The following HSPA12A variants were observed in gnomAD, a reference collection of about 807,000 sequenced individuals.
HSPA12A encodes heat shock 70 kDa protein 12A.
Under a neutral mutation model 69.2 loss-of-function variants are expected in HSPA12A, and 28 were observed. That is an observed-to-expected ratio of 0.40 (90% CI 0.30 to 0.55). The LOEUF (loss-of-function observed/expected upper bound fraction) is 0.55. Among genes scored for constraint, HSPA12A ranks in the 20% least tolerant of loss-of-function variants. The pLI, the probability that HSPA12A is intolerant of heterozygous loss-of-function variation, is 0.38. For missense variants in HSPA12A, 686 were observed against 900.7 expected, an observed-to-expected ratio of 0.76 and a Z score of 3.05; for synonymous variants, 345 against 370.5, an observed-to-expected ratio of 0.93 and a Z score of 0.79.
At chr10:116,717,720 C>T (rs1850651891) in intron 1 of HSPA12A, among the ~76,000 whole-genome samples, 1 of 152,112 alleles carries the variant, frequency 6.6e-6, no homozygotes, top group East Asian at 1.9e-4. Flanking sequence ...AAAAAACGAC[C>T]GTGTGCTTAC....
chr10:116,718,494 G>A (rs1850677248), intron 1 of HSPA12A, among the ~76,000 whole-genome samples: 1 of 152,170 alleles, frequency 6.6e-6, no homozygotes, highest in Non-Finnish European at 1.5e-5. Context: ...GTGCCCAGGA[G>A]GGCAGAGGCT....
At chr10:116,774,970 C>A (rs879961086) in intron 2 of HSPA12A, among the ~76,000 whole-genome samples, 1 of 148,998 alleles carries the variant, frequency 6.7e-6, no homozygotes, top group Non-Finnish European at 1.5e-5. Context: ...CTGCTACACA[C>A]CCACCGCCAC....
intron 9 of HSPA12A, 79 bp downstream of exon 9, chr10:116,681,073 A>G: frequency 2.1e-6 from 2 of 934,176 alleles, no homozygotes; most frequent in East Asian, 2.4e-5. Flanking sequence ...AATAAAACTG[A>G]GAGTTATCTG....
intron 2 of HSPA12A, among the ~76,000 whole-genome samples, chr10:116,785,881 C>T (rs939627501): frequency 1.3e-5 from 2 of 152,280 alleles, no homozygotes; most frequent in East Asian, 1.9e-4. Flanking sequence ...TATTTCCCCC[C>T]CTCCCCTCAC....
intron 1 of HSPA12A, among the ~76,000 whole-genome samples, chr10:116,707,801 C>A (rs782506066): frequency 3.3e-5 from 5 of 152,206 alleles, no homozygotes; most frequent in African/African-American, 1.2e-4. Flanking sequence ...TCAGAAAGAG[C>A]GTCCTTGCCT....
intron 2 of HSPA12A, among the ~76,000 whole-genome samples, chr10:116,773,276 A>G (rs1243363467): frequency 6.7e-6 from 1 of 150,272 alleles, no homozygotes; most frequent in Non-Finnish European, 1.5e-5. Context: ...GCTAATGAGC[A>G]AAGGCTTCAG....
chr10:116,849,338 T>C (rs1277289729), intron 1 of HSPA12A, among the ~76,000 whole-genome samples: 2 of 152,074 alleles, frequency 1.3e-5, no homozygotes, highest in African/African-American at 4.8e-5. Context: ...CTCGGGAGTC[T>C]AGGAGGAGCC....
intron 5 of HSPA12A, chr10:116,698,319 A>C: frequency 4.2e-6 from 1 of 236,486 alleles, no homozygotes. Context: ...TCTCTTAGGG[A>C]TTTCATTTCT....
intron 1 of HSPA12A, among the ~76,000 whole-genome samples, chr10:116,842,791 C>T (rs1250820346): frequency 2.0e-5 from 3 of 152,076 alleles, no homozygotes; most frequent in African/African-American, 7.2e-5. Flanking sequence ...TTAATAAAGT[C>T]GGGGTTTCAC....
In HSPA12A at chr10:116,742,410, G is replaced by C. The variant is rs782322043; in HGVS notation, c.40+20C>G. ...CCTGCCCCGCCAGCCGCGGCCGCAG[G>C]ACCCGCAGCCTGCGCTCACCTCGGG... On this transcript the variant is annotated intron_variant, in intron 1 of 11. Transcript: ENST00000369209. 1.2e-4 allele frequency: 175 copies of C among 1,433,868 alleles called. 3 individuals carry two copies. The South Asian group carries it at 2.1e-3, about 17-fold the overall frequency. 88.8% of individuals were successfully genotyped at this position (1,433,868 alleles called of 1,614,324 possible). A position where few individuals can be genotyped will look rare whatever the true frequency, so the allele number is the denominator to read the frequency against.
At chr10:116,707,737 C>A (rs1850302607) in intron 1 of HSPA12A, among the ~76,000 whole-genome samples, 1 of 152,122 alleles carries the variant, frequency 6.6e-6, no homozygotes, top group African/African-American at 2.4e-5. Flanking sequence ...GTGAGGGGTA[C>A]CTCCCCCAAG....
intron 1 of HSPA12A, among the ~76,000 whole-genome samples, chr10:116,727,307 T>C (rs1361758574): frequency 6.6e-6 from 1 of 152,150 alleles, no homozygotes; most frequent in Non-Finnish European, 1.5e-5. Context: ...TTCATGTCCA[T>C]GTTCACCTAG....
intron 6 of HSPA12A, 99 bp from the exon 7 acceptor site, chr10:116,684,061 C>T (rs960665267): frequency 7.4e-5 from 73 of 990,400 alleles, no homozygotes; most frequent in Non-Finnish European, 8.8e-5. Context: ...AGGGCGCACT[C>T]GTGCTCTGCA....
intron 1 of HSPA12A, among the ~76,000 whole-genome samples, chr10:116,734,448 TA>T (rs34843566): frequency 0.29 from 29,548 of 101,376 alleles, 3,593 homozygotes; most frequent in Middle Eastern, 0.43. Flanking sequence ...AGACTCTGTC[TA>T]AAAAAAAAAA....
intron 1 of HSPA12A, among the ~76,000 whole-genome samples, chr10:116,845,420 C>T (rs1024507330): frequency 2.0e-4 from 30 of 152,104 alleles, no homozygotes; most frequent in African/African-American, 5.1e-4. Context: ...TTTTCTCATT[C>T]CCAGACAAGT....
At chr10:116,741,485 C>T (rs1851504060) in intron 1 of HSPA12A, among the ~76,000 whole-genome samples, 1 of 152,246 alleles carries the variant, frequency 6.6e-6, no homozygotes, top group Admixed American at 6.5e-5. Context: ...TCCCCGGCGG[C>T]CGCTCTCGCC....
intron 2 of HSPA12A, among the ~76,000 whole-genome samples, chr10:116,826,971 C>T (rs1421381001): frequency 2.6e-5 from 4 of 152,146 alleles, no homozygotes; most frequent in South Asian, 2.1e-4. Context: ...GTCATTTGCT[C>T]GAGGTCATAG....
intron 1 of HSPA12A, among the ~76,000 whole-genome samples, chr10:116,718,408 G>T (rs1302012569): frequency 2.0e-5 from 3 of 152,190 alleles, no homozygotes; most frequent in African/African-American, 7.2e-5. Flanking sequence ...ACCATCTCCA[G>T]GCAGGAAGGG....
intron 6 of HSPA12A, 34 bp from the exon 7 acceptor site, chr10:116,683,996 C>A (rs368051767): frequency 8.9e-5 from 134 of 1,512,372 alleles, no homozygotes; most frequent in Non-Finnish European, 1.2e-4. Context: ...GGACCCAGGG[C>A]CCCCTGGGCC....
Sources: gnomAD v4.1 joint callset for allele counts (sites outside exome capture counted in the v4.1 genomes callset) on GRCh38, gnomAD v4.1.1 for gene constraint, MANE v1.5 for transcripts, NCBI Gene and HGNC (gene_info 2026-07-23, HGNC 2026-07-21) for gene names.